Variants in ZNF451 observed in about 807,000 individuals in gnomAD.
ZNF451 encodes zinc finger protein 451, also known as E3 SUMO-protein ligase ZNF451.
Under a neutral mutation model 107.1 loss-of-function variants are expected in ZNF451, and 80 were observed. That is an observed-to-expected ratio of 0.75 (90% CI 0.62 to 0.90). The LOEUF (loss-of-function observed/expected upper bound fraction) is 0.90. Among genes scored for constraint, ZNF451 ranks in the 40% least tolerant of loss-of-function variants. ZNF451 has a pLI of 0.00. For missense variants in ZNF451, 1,107 were observed against 1,236.2 expected (o/e 0.90, Z 1.57); for synonymous variants, 362 against 406.5 (o/e 0.89, Z 1.32).
chr6:57,143,763 G>A (rs142611834), intron 9 of ZNF451, among the ~76,000 whole-genome samples: 17 of 152,180 alleles, frequency 1.1e-4, no homozygotes, highest in African/African-American at 3.6e-4. Flanking sequence ...GTTTATAGCA[G>A]CATTATTCAT....
chr6:57,112,410 C>G (rs1488210763), intron 3 of ZNF451, among the ~76,000 whole-genome samples: 1 of 152,046 alleles, frequency 6.6e-6, no homozygotes, highest in Non-Finnish European at 1.5e-5. Flanking sequence ...ACTTGGAGTC[C>G]CTTACATATA....
chr6:57,133,052 A>G lies in ZNF451; in HGVS notation c.435A>G (p.Thr145=), dbSNP rs758931819. The G allele has an allele frequency of 6.2e-7, 1 of 1,614,134 alleles. No individual in the cohort carries two copies. The change falls in exon 6 of 15, where the codon ACA becomes ACG. Residue 145 remains threonine, a synonymous_variant. Transcript: ENST00000370706. ...ATTCTGATGATGCAGGACTCAAAACAGGCACAATTAATTGTGGAACAAAAA... is the reference window on the plus strand; with the variant it reads ...ATTCTGATGATGCAGGACTCAAAACGGGCACAATTAATTGTGGAACAAAAA... ...DQWLKMPGLK[T]GTINCGTKSS...
intron 3 of ZNF451, chr6:57,105,054 T>TA: frequency 1.0e-6 from 1 of 985,324 alleles, no homozygotes. Flanking sequence ...TTATAAAACT[T>TA]AAAGTGAGGA....
At chr6:57,131,251 A>C (rs1319199231) in intron 5 of ZNF451, among the ~76,000 whole-genome samples, 1 of 152,184 alleles carries the variant, frequency 6.6e-6, no homozygotes, top group Admixed American at 6.5e-5. Context: ...GCCAGTTTGC[A>C]TAAATTTGAA....
rs566366522 is a variant in ZNF451 at position 57,108,105 on chromosome 6, C to T, written c.186+8964C>T. The T allele has an allele frequency of 3.1e-6, 3 of 974,166 alleles. No homozygotes were observed. In the African/African-American group the frequency reaches 5.3e-5, roughly 17 times the overall value. 60.3% of individuals were successfully genotyped at this position (974,166 alleles called of 1,614,324 possible). A position where few individuals can be genotyped will look rare whatever the true frequency, so the allele number is the denominator to read the frequency against. The stretch of plus-strand genomic sequence containing the variant: ...CCACCTACCTTGGCCTCCCAAAGTG[C>T]TGGGATTACAGGCGTGAGCCACAGT... On this transcript the variant is annotated intron_variant, in intron 3 of 14. Transcript: ENST00000370706.
intron 3 of ZNF451, chr6:57,104,371 CATAA>C: frequency 1.0e-6 from 1 of 985,406 alleles, no homozygotes; most frequent in South Asian, 4.7e-5. Flanking sequence ...TGTGGCTGCA[CATAA>C]GTGTTTCTGA....
chr6:57,163,543 C>T (rs1468117825), intron 14 of ZNF451, among the ~76,000 whole-genome samples: 3 of 139,756 alleles, frequency 2.1e-5, no homozygotes, highest in African/African-American at 7.9e-5. Context: ...CTCCGCCTCC[C>T]GGGTTCACGC....
chr6:57,110,630 G>C (rs1040129922), intron 3 of ZNF451, among the ~76,000 whole-genome samples: 4 of 152,130 alleles, frequency 2.6e-5, no homozygotes, highest in African/African-American at 7.2e-5. Context: ...AGCTAAAAGT[G>C]GTTAATTTCC....
chr6:57,097,112 A>G (rs1829365797), intron 2 of ZNF451, among the ~76,000 whole-genome samples: 1 of 152,130 alleles, frequency 6.6e-6, no homozygotes, highest in Non-Finnish European at 1.5e-5. Context: ...TAGGTGATTC[A>G]GCTCTGTTTA....
rs1328496449 is a variant in ZNF451 at position 57,134,890 on chromosome 6, T to G, written c.702+20T>G. 6.3e-7 allele frequency: 1 copy of G among 1,587,652 alleles called. No homozygotes were observed. Among genetic ancestry groups the G allele is most frequent in the East Asian group, 2.2e-5 (1 of 44,646 alleles). ...GATAAGGTAAGAGCATGTCCTAAAT[T>G]AAAAGTATTATTTTTCTAGATAGCC... On this transcript the variant is annotated intron_variant, in intron 7 of 14. Coordinates refer to ENST00000370706, the MANE Select transcript of ZNF451 (RefSeq NM_001031623.3).
chr6:57,166,378 C>T (rs575421093), intron 14 of ZNF451, among the ~76,000 whole-genome samples: 417 of 152,240 alleles, frequency 2.7e-3, no homozygotes, highest in African/African-American at 9.5e-3. Context: ...TTCACCTTAG[C>T]TTACTGTAAC....
intron 3 of ZNF451, chr6:57,116,683 A>G (rs1593108068): frequency 6.6e-6 from 1 of 152,216 alleles, no homozygotes; most frequent in African/African-American, 2.4e-5. Context: ...AAAATTGGCA[A>G]AGATTTCAGA....
rs781513692 is a variant in ZNF451, at chr6:57,147,084, A to G, written c.1005-6A>G. ...AAGACTTTCTATTTCTTTTTATCTA[A>G]TTTAGAGTTCATTGTCGAAATGCTG... On this transcript the variant is annotated splice_polypyrimidine_tract_variant and splice_region_variant and intron_variant, in intron 9 of 14. Coordinates refer to ENST00000370706, the MANE Select transcript of ZNF451 (RefSeq NM_001031623.3). 1 of 1,589,362 alleles carries G rather than the reference A, an allele frequency of 6.3e-7. No individual in the cohort carries two copies. Among genetic ancestry groups the G allele is most frequent in the South Asian group, 1.1e-5 (1 of 87,094 alleles).
intron 3 of ZNF451, chr6:57,109,802 ATGTG>A: frequency 2.6e-6 from 2 of 760,018 alleles, no homozygotes; most frequent in Non-Finnish European, 3.2e-6. Flanking sequence ...GTGTATATGT[ATGTG>A]TATACAATTT....
Position 57,148,643 on chromosome 6 carries a change from G to GTT in ZNF451, c.2560_2561dup (p.Leu854PhefsTer2). On this transcript the variant is annotated frameshift_variant, in exon 10 of 15. Transcript: ENST00000370706. LOFTEE classifies it high-confidence loss of function. The stretch of plus-strand genomic sequence containing the variant: ...AAACAGGCAATAAACTATTCAAAAA[G>GTT]TTTAGACATGGAGAAAGGAGTTGAG... 6.2e-7 allele frequency: 1 copy of GTT among 1,613,670 alleles called. No homozygotes were observed. The highest frequency in any genetic ancestry group is 8.5e-7 in the Non-Finnish European group (1 of 1,179,830).
At chr6:57,138,741 A>ATATATATGTGTGTGTG (rs1365084616) in intron 7 of ZNF451, among the ~76,000 whole-genome samples, 1 of 46,598 alleles carries the variant, frequency 2.1e-5, no homozygotes, top group African/African-American at 9.2e-5. Flanking sequence ...ATATATATAT[A>ATATATATGTGTGTGTG]TGTGTGTGTG....
chr6:57,109,486 C>T (rs1298771329), intron 3 of ZNF451: 1 of 985,314 alleles, frequency 1.0e-6, no homozygotes, highest in Non-Finnish European at 1.2e-6. Flanking sequence ...TTTGACAACA[C>T]ACTAAAGCCT....
chr6:57,090,270 C>T lies in ZNF451; in HGVS notation c.17C>T (p.Ser6Leu), dbSNP rs1828997829. Residue 6 changes from serine (S) to leucine (L), a missense_variant, in exon 1 of 15, where the codon TCG (serine) becomes TTG (leucine). By Grantham distance (145) the Ser-to-Leu change is moderately radical. Coordinates refer to ENST00000370706, the MANE Select transcript of ZNF451 (RefSeq NM_001031623.3). The part of the protein sequence containing the change: MGDPG[S>L]EIIESVPPAG... ...GTCGGAGACATGGGAGACCCGGGGT[C>T]GGAGGTGAGTAGTCGAGTGAGGGTC... is the stretch of plus-strand genomic sequence containing the variant. 1 of 1,611,246 alleles carries T rather than the reference C, an allele frequency of 6.2e-7. No individual in the cohort carries two copies.
intron 5 of ZNF451, among the ~76,000 whole-genome samples, chr6:57,130,316 C>T (rs1264678383): frequency 2.6e-5 from 4 of 152,064 alleles, no homozygotes; most frequent in Admixed American, 1.3e-4. Context: ...ATGGTTTTGC[C>T]TCTTGGGGTG....
Sources: gnomAD v4.1 joint callset for allele counts (sites outside exome capture counted in the v4.1 genomes callset) on GRCh38, gnomAD v4.1.1 for gene constraint, MANE v1.5 for transcripts, NCBI Gene and HGNC (gene_info 2026-07-23, HGNC 2026-07-21) for gene names.